RERE: variants seen among roughly 807,000 people sequenced by gnomAD.
RERE encodes the protein arginine-glutamic acid dipeptide repeats.
In RERE, 40 loss-of-function variants were observed where a neutral mutation model predicts 146.1. The ratio of observed to expected loss-of-function variants is 0.27; its 90% CI spans 0.21 to 0.36. RERE has a LOEUF of 0.36. RERE is among the 10% of genes least tolerant of loss of function. The pLI is 1.00. For synonymous variants in RERE, 1,003 were observed against 866.0 expected, an observed-to-expected ratio of 1.16 and a Z score of -2.78; for missense variants, 1,933 against 2,138.7, an observed-to-expected ratio of 0.90 and a Z score of 1.90.
chr1:8,730,422 G>A (rs754207569), intron 1 of RERE, among the ~76,000 whole-genome samples: 6 of 151,840 alleles, frequency 4.0e-5, no homozygotes, highest in Non-Finnish European at 5.9e-5. Context: ...GGCTCACCGC[G>A]AGCTCCGCCT....
intron 4 of RERE, among the ~76,000 whole-genome samples, chr1:8,605,530 C>A (rs1570500518): frequency 6.6e-6 from 1 of 151,932 alleles, no homozygotes; most frequent in Admixed American, 6.6e-5. Context: ...GGGTGGATCA[C>A]CTGAGGTCAG....
chr1:8,514,647 G>C (rs1255012817), intron 7 of RERE, among the ~76,000 whole-genome samples: 1 of 151,944 alleles, frequency 6.6e-6, no homozygotes, highest in Non-Finnish European at 1.5e-5. Context: ...AGAACTGCTT[G>C]AACCCGGGAG....
chr1:8,543,224 G>A (rs376476470), intron 6 of RERE, among the ~76,000 whole-genome samples: 2 of 152,106 alleles, frequency 1.3e-5, no homozygotes, highest in Non-Finnish European at 2.9e-5. Flanking sequence ...TATTTAACTA[G>A]AACTAAAATA....
chr1:8,563,584 G>A (rs1646103384), intron 4 of RERE, among the ~76,000 whole-genome samples: 1 of 152,096 alleles, frequency 6.6e-6, no homozygotes, highest in South Asian at 2.1e-4. Context: ...CCTCAACAGA[G>A]TACAAAGATG....
intron 4 of RERE, among the ~76,000 whole-genome samples, chr1:8,603,931 C>A (rs1364603518): frequency 3.2e-4 from 40 of 126,668 alleles, no homozygotes; most frequent in Admixed American, 5.7e-4. Flanking sequence ...AAAGCGAGAC[C>A]CTGTCTCAAA....
intron 4 of RERE, among the ~76,000 whole-genome samples, chr1:8,570,316 G>C (rs1449261054): frequency 1.3e-5 from 2 of 152,052 alleles, no homozygotes; most frequent in African/African-American, 4.8e-5. Context: ...TGGCGACAGA[G>C]TGAGACTCCA....
chr1:8,361,055 G>T lies in RERE; in HGVS notation c.2452C>A (p.Pro818Thr), dbSNP rs779889437. The part of the protein sequence containing the change: ...PQRPPSPHPP[P>T]HPSPHPPLQP... ...AGCGGGGGATGTGGCGAGGGATGCG[G>T]CGGGGGATGCGGTGAGGGCGGCCGC... The change falls in exon 18 of 23, where the codon CCG becomes ACG. Residue 818 changes from proline to threonine, a missense_variant. Coordinates refer to ENST00000400908, the MANE Select transcript of RERE (RefSeq NM_001042681.2). The T allele has an allele frequency of 1.4e-6, 2 of 1,437,172 alleles. No individual in the cohort carries two copies. Among genetic ancestry groups the T allele is most frequent in the Admixed American group, 5.8e-5 (2 of 34,664 alleles). The allele number at this position is 1,437,172 out of a possible 1,614,324, so 89.0% of individuals were successfully genotyped here. A position where few individuals can be genotyped will look rare whatever the true frequency, so the allele number is the denominator to read the frequency against.
In RERE at chr1:8,763,698, T is replaced by G. The variant is rs181798509; in HGVS notation, c.-145+53462A>C. On this transcript the variant is annotated intron_variant, in intron 1 of 22. Transcript: ENST00000400908. ...GCTCATGCCTGTAATCCCAGCACTTTGGGAGGCCGAGGCAGGCGGATCACG... is the reference window on the plus strand; with the variant it reads ...GCTCATGCCTGTAATCCCAGCACTTGGGGAGGCCGAGGCAGGCGGATCACG... 9.9e-5 allele frequency among the ~76,000 whole-genome samples: 15 copies of G among 152,204 alleles called. No homozygotes were observed. In the East Asian group the frequency reaches 2.7e-3, roughly 27 times the overall value.
intron 10 of RERE, among the ~76,000 whole-genome samples, chr1:8,484,022 T>G (rs1288729979): frequency 6.6e-6 from 1 of 152,202 alleles, no homozygotes; most frequent in African/African-American, 2.4e-5. Flanking sequence ...TGAATTGTAT[T>G]AGAAACCAGG....
chr1:8,466,660 G>C lies in RERE; in HGVS notation c.1105-637C>G, dbSNP rs143357199. The stretch of plus-strand genomic sequence containing the variant: ...AATATTTAAAGTGGCTAAAATTTAA[G>C]AGCTTTTTAAAGAAAGTAAGTCTGT... On this transcript the variant is annotated intron_variant, in intron 10 of 22. Transcript: ENST00000400908. Among the ~76,000 whole-genome samples, 7 of 152,304 alleles carry C rather than the reference G, an allele frequency of 4.6e-5. No individual in the cohort carries two copies. In the East Asian group the frequency reaches 1.3e-3, roughly 29 times the overall value.
chr1:8,654,083 A>G (rs1448852857), intron 2 of RERE, among the ~76,000 whole-genome samples: 2 of 151,334 alleles, frequency 1.3e-5, no homozygotes, highest in African/African-American at 2.4e-5. Flanking sequence ...TCTGCTGCAC[A>G]GGCTGCAGTG....
At chr1:8,465,860 TCA>T in intron 11 of RERE, 63 bp downstream of exon 11, 1 of 1,353,186 alleles carries the variant, frequency 7.4e-7, no homozygotes, top group Non-Finnish European at 1.1e-6. Context: ...AGCAGGGAGG[TCA>T]CACACTGAGA....
intron 8 of RERE, among the ~76,000 whole-genome samples, chr1:8,504,793 C>T (rs1261206161): frequency 6.6e-6 from 1 of 151,868 alleles, no homozygotes; most frequent in Admixed American, 6.6e-5. Context: ...GCGGAGGTTG[C>T]AGTGAGACAA....
At chr1:8,722,763 G>T (rs1639888478) in intron 1 of RERE, among the ~76,000 whole-genome samples, 1 of 152,160 alleles carries the variant, frequency 6.6e-6, no homozygotes. Flanking sequence ...GGGAGGATAT[G>T]GTCTAAAGTA....
At chr1:8,552,849 C>T (rs892251719) in intron 6 of RERE, among the ~76,000 whole-genome samples, 1 of 151,748 alleles carries the variant, frequency 6.6e-6, no homozygotes, top group Non-Finnish European at 1.5e-5. Context: ...CGTCCACACA[C>T]ACGTGTGACC....
At chr1:8,358,114 G>T in intron 20 of RERE, 82 bp downstream of exon 20, 1 of 1,515,258 alleles carries the variant, frequency 6.6e-7, no homozygotes, top group Admixed American at 2.1e-5. Flanking sequence ...AACAGTTTCC[G>T]CTCCTGGATG....
chr1:8,790,323 C>G (rs1641342271), intron 1 of RERE, among the ~76,000 whole-genome samples: 1 of 152,018 alleles, frequency 6.6e-6, no homozygotes, highest in Non-Finnish European at 1.5e-5. Flanking sequence ...GTGGGCAAAC[C>G]CCACCATATT....
At chr1:8,786,516 T>C (rs1018178398) in intron 1 of RERE, 2 of 795,422 alleles carry the variant, frequency 2.5e-6, no homozygotes, top group Non-Finnish European at 4.5e-6. Context: ...GGTTCCCCCA[T>C]GTAATATATG....
At chr1:8,439,155 C>G (rs1171514749) in intron 11 of RERE, among the ~76,000 whole-genome samples, 3 of 152,222 alleles carry the variant, frequency 2.0e-5, no homozygotes, top group African/African-American at 7.2e-5. Flanking sequence ...GCTGAAACAA[C>G]AGACTTCTCT....
Sources: gnomAD v4.1 joint callset for allele counts (sites outside exome capture counted in the v4.1 genomes callset) on GRCh38, gnomAD v4.1.1 for gene constraint, MANE v1.5 for transcripts, NCBI Gene and HGNC (gene_info 2026-07-23, HGNC 2026-07-21) for gene names.